The following FNDC5 variants were observed in gnomAD, a reference collection of about 807,000 sequenced individuals.
The protein encoded by FNDC5 is fibronectin type III domain-containing protein 5.
A neutral mutation model predicts 24.6 loss-of-function variants in FNDC5; 10 were observed. That is an observed-to-expected ratio of 0.41 (90% confidence interval 0.25 to 0.69). The LOEUF is 0.69. Ranked by LOEUF, FNDC5 falls within the 30% of genes least tolerant of loss-of-function variation. FNDC5 has a pLI of 0.34. For missense variants in FNDC5, 226 were observed against 282.9 expected, an observed-to-expected ratio of 0.80 and a Z score of 1.44; for synonymous variants, 90 against 110.7, an observed-to-expected ratio of 0.81 and a Z score of 1.18.
intron 5 of FNDC5, 148 bp downstream of exon 5, chr1:32,864,516 A>G: frequency 6.6e-7 from 1 of 1,515,782 alleles, no homozygotes; most frequent in Non-Finnish European, 8.8e-7. Context: ...ATCAACTTGC[A>G]GTGTCCCTGT....
chr1:32,869,337 G>A (rs930213489), intron 1 of FNDC5, among the ~76,000 whole-genome samples: 10 of 152,236 alleles, frequency 6.6e-5, no homozygotes, highest in Non-Finnish European at 1.5e-4. Context: ...AGGGGACATA[G>A]GTGGACAGAA....
At chr1:32,867,173 C>T (rs1248644509) in intron 4 of FNDC5, among the ~76,000 whole-genome samples, 2 of 152,108 alleles carry the variant, frequency 1.3e-5, no homozygotes, top group Non-Finnish European at 2.9e-5. Context: ...AGACATGAGC[C>T]GAACGAACTA....
At position 32,864,101 on chromosome 1, in the gene FNDC5, T is replaced by G; in HGVS notation, c.*193A>C. On this transcript the variant is annotated 3_prime_UTR_variant, in exon 6 of 6. Coordinates refer to ENST00000373471, the MANE Select transcript of FNDC5 (RefSeq NM_153756.3). ...GACATTGTTGAGGTGCTTCTGGAGATGGGAGTTAATAAGAGGCTTCAGGAA... is the reference window on the plus strand; with the variant it reads ...GACATTGTTGAGGTGCTTCTGGAGAGGGGAGTTAATAAGAGGCTTCAGGAA... 4.7e-6 allele frequency: 7 copies of G among 1,493,376 alleles called. No individual in the cohort carries two copies. Among genetic ancestry groups the G allele is most frequent in the Non-Finnish European group, 5.4e-6 (6 of 1,121,172 alleles). 92.5% of individuals were successfully genotyped at this position (1,493,376 alleles called of 1,614,324 possible). A position where few individuals can be genotyped will look rare whatever the true frequency, so the allele number is the denominator to read the frequency against.
At chr1:32,870,528 G>A (rs1403086129) in intron 1 of FNDC5, 125 bp downstream of exon 1, 4 of 444,452 alleles carry the variant, frequency 9.0e-6, no homozygotes, top group Non-Finnish European at 1.3e-5. Context: ...GGCTGGGTTA[G>A]GGGAGCAGTG....
chr1:32,868,088 G>T lies in FNDC5; in HGVS notation c.409+102C>A. 7.3e-7 allele frequency: 1 copy of T among 1,370,396 alleles called. No homozygotes were observed. The highest frequency in any genetic ancestry group is 1.0e-6 in the Non-Finnish European group (1 of 983,448). 84.9% of individuals were successfully genotyped at this position (1,370,396 alleles called of 1,614,324 possible). On this transcript the variant is annotated intron_variant, in intron 3 of 5. Coordinates refer to ENST00000373471, the MANE Select transcript of FNDC5 (RefSeq NM_153756.3). This position sits in a 1 kb window ranked among gnomAD's most constrained non-coding sequence, Gnocchi z 4.8. ...AGGTACTGCTTTACTTGCCAGCAGG[G>T]GATAAGGGGGAGGAGACAGAGCTTT... is the stretch of plus-strand genomic sequence containing the variant.
In FNDC5 at chr1:32,868,144, C is replaced by T; in HGVS notation, c.409+46G>A. The T allele has an allele frequency of 3.1e-6, 5 of 1,601,466 alleles. No homozygotes were observed. Among genetic ancestry groups the T allele is most frequent in the Non-Finnish European group, 4.3e-6 (5 of 1,172,250 alleles). On this transcript the variant is annotated intron_variant, in intron 3 of 5. Coordinates refer to ENST00000373471, the MANE Select transcript of FNDC5 (RefSeq NM_153756.3). This position sits in a 1 kb window ranked among gnomAD's most constrained non-coding sequence, Gnocchi z 4.8. The stretch of plus-strand genomic sequence containing the variant: ...AGCCACCCACTGGTCTGGTCCTGAC[C>T]ACCCCTCACCCCACCCCATTCCTCT...
chr1:32,865,812 A>G lies in FNDC5; in HGVS notation c.500-1015T>C, dbSNP rs142452195. ...ACTCTGTGAGGATACCTATTATTATAATTCCCAGGGTACAAGTGAGGACAC... is the reference window on the plus strand; with the variant it reads ...ACTCTGTGAGGATACCTATTATTATGATTCCCAGGGTACAAGTGAGGACAC... On this transcript the variant is annotated intron_variant, in intron 4 of 5. Transcript: ENST00000373471. Among the ~76,000 whole-genome samples, 6 of 152,176 alleles carry G rather than the reference A, an allele frequency of 3.9e-5. No individual in the cohort carries two copies. In the East Asian group the frequency reaches 1.2e-3, roughly 29 times the overall value.
chr1:32,868,477 C>G lies in FNDC5; in HGVS notation c.211-89G>C. The G allele has an allele frequency of 7.6e-7, 1 of 1,321,582 alleles. No homozygotes were observed. The highest frequency in any genetic ancestry group is 2.2e-5 in the Admixed American group (1 of 46,140). The allele number at this position is 1,321,582 out of a possible 1,614,324, so 81.9% of individuals were successfully genotyped here. A position where few individuals can be genotyped will look rare whatever the true frequency, so the allele number is the denominator to read the frequency against. Reference sequence around the variant, plus strand: ...CCAGTGGTGACAAAGCCTTTACATACACAATCTTCATCATTCCATCACCTC... The same window carrying G: ...CCAGTGGTGACAAAGCCTTTACATAGACAATCTTCATCATTCCATCACCTC... On this transcript the variant is annotated intron_variant, in intron 2 of 5. Transcript: ENST00000373471. This position sits in a 1 kb window ranked among gnomAD's most constrained non-coding sequence, Gnocchi z 4.8.
At chr1:32,869,461 C>T (rs999836554) in intron 1 of FNDC5, among the ~76,000 whole-genome samples, 37 of 152,346 alleles carry the variant, frequency 2.4e-4, no homozygotes, top group African/African-American at 7.5e-4. Context: ...ACCCAGAGAT[C>T]GAGAAGTGTC....
chr1:32,869,572 C>T (rs974190457), intron 1 of FNDC5, among the ~76,000 whole-genome samples: 2 of 152,146 alleles, frequency 1.3e-5, no homozygotes, highest in Non-Finnish European at 2.9e-5. Context: ...TCTGTGTGAG[C>T]CTCTTATCCA....
intron 4 of FNDC5, among the ~76,000 whole-genome samples, chr1:32,867,457 A>G (rs951613144): frequency 6.6e-6 from 1 of 152,222 alleles, no homozygotes; most frequent in Non-Finnish European, 1.5e-5. Flanking sequence ...GACCAGAGGT[A>G]AAAGGCCTGT....
In FNDC5 at chr1:32,864,186, A is replaced by G. The variant is rs1465020285; in HGVS notation, c.*108T>C. 6.2e-7 allele frequency: 1 copy of G among 1,608,826 alleles called. No homozygotes were observed. The highest frequency in any genetic ancestry group is 8.5e-7 in the Non-Finnish European group (1 of 1,177,156). ...ACAAGGAGATGGAGGGAAGAGATGT[A>G]GAGAGGGCCAGATGTTTGTTGGATA... On this transcript the variant is annotated 3_prime_UTR_variant, in exon 6 of 6. Coordinates refer to ENST00000373471, the MANE Select transcript of FNDC5 (RefSeq NM_153756.3).
intron 1 of FNDC5, among the ~76,000 whole-genome samples, chr1:32,869,521 A>AGT: frequency 6.6e-6 from 1 of 152,372 alleles, no homozygotes; most frequent in Non-Finnish European, 1.5e-5. Flanking sequence ...AAGTATCCTC[A>AGT]GAGCTGTGGT....
At chr1:32,869,903 G>C (rs928839234) in intron 1 of FNDC5, among the ~76,000 whole-genome samples, 2 of 152,250 alleles carry the variant, frequency 1.3e-5, no homozygotes, top group South Asian at 4.1e-4. Context: ...GACCCAGGGG[G>C]CTGGGCCTGG....
rs532165087 is a variant in FNDC5, at chr1:32,864,135, A to C, written c.*159T>G. ...ATAAGAGGCTTCAGGAAAGTGCGCC[A>C]GAGAGAGGACAGTAAGCCAGAGGGT... On this transcript the variant is annotated 3_prime_UTR_variant, in exon 6 of 6. Transcript: ENST00000373471. The C allele has an allele frequency of 1.3e-6, 2 of 1,546,906 alleles. No individual in the cohort carries two copies. The highest frequency in any genetic ancestry group is 3.9e-5 in the Admixed American group (2 of 51,320).
chr1:32,866,335 A>G (rs1241446192), intron 4 of FNDC5, among the ~76,000 whole-genome samples: 1 of 152,130 alleles, frequency 6.6e-6, no homozygotes, highest in Non-Finnish European at 1.5e-5. Flanking sequence ...TGCTTCTACA[A>G]TACAGCCTGC....
Position 32,863,682 on chromosome 1 carries a change from G to A in FNDC5, c.*612C>T, listed in dbSNP as rs987670872. ...CAGTTGTCCCTCTCCCTGTGCCCGT[G>A]GGCCTGGGGACCAGCTGAGAAGAAA... On this transcript the variant is annotated 3_prime_UTR_variant, in exon 6 of 6. Coordinates refer to ENST00000373471, the MANE Select transcript of FNDC5 (RefSeq NM_153756.3). 27 of 1,301,662 alleles carry A rather than the reference G, an allele frequency of 2.1e-5. No homozygotes were observed. Among genetic ancestry groups the A allele is most frequent in the Middle Eastern group, 2.1e-4 (1 of 4,688 alleles). The allele number at this position is 1,301,662 out of a possible 1,614,324, so 80.6% of individuals were successfully genotyped here.
chr1:32,869,935 G>A (rs991734780), intron 1 of FNDC5, among the ~76,000 whole-genome samples: 2 of 152,064 alleles, frequency 1.3e-5, no homozygotes, highest in Non-Finnish European at 2.9e-5. Context: ...GACAGAGCCA[G>A]ACATGGAGGG....
At chr1:32,871,118 G>T (rs986546387), upstream of FNDC5, 1 of 151,492 alleles carries the variant, frequency 6.6e-6, no homozygotes. Flanking sequence ...GGAGCCCAGC[G>T]GGGTTCTCCG....
Sources: allele counts gnomAD v4.1 joint callset (sites outside exome capture counted in the v4.1 genomes callset), GRCh38; gene constraint gnomAD v4.1.1; non-coding constraint Gnocchi (gnomAD v3.1); transcripts MANE v1.5; gene names NCBI Gene and HGNC (gene_info 2026-07-23, HGNC 2026-07-21).